Variants in DOC2B observed in about 807,000 individuals in gnomAD.
The protein encoded by DOC2B is double C2-like domain-containing protein beta.
In DOC2B, 21 loss-of-function variants were observed where a neutral mutation model predicts 28.9. The observed-to-expected ratio is 0.73, with a 90% CI of 0.52 to 1.05. DOC2B has a LOEUF of 1.05. DOC2B is among the 50% of genes least tolerant of loss of function. The pLI is 0.00. For missense variants in DOC2B, 384 were observed against 421.1 expected (o/e 0.91, Z 0.77); for synonymous variants, 194 against 178.1 (o/e 1.09, Z -0.71).
rs183779916 is a variant in DOC2B, at chr17:150,287, G to A, written c.924-1095C>T. Reference sequence around the variant, plus strand: ...GCTGAATGTGCTCTGGGGTCTCTGGGGTCTCACCCACGACCAACTCCCTGG... The same window carrying A: ...GCTGAATGTGCTCTGGGGTCTCTGGAGTCTCACCCACGACCAACTCCCTGG... On this transcript the variant is annotated intron_variant, in intron 6 of 8. Coordinates refer to ENST00000613549, the MANE Select transcript of DOC2B (RefSeq NM_003585.5). Among the ~76,000 whole-genome samples, 409 of 152,248 alleles carry A rather than the reference G, an allele frequency of 2.7e-3. 5 individuals carry two copies. Among genetic ancestry groups the A allele is most frequent in the Admixed American group, 0.025 (378 of 15,292 alleles).
In DOC2B at chr17:156,288, T is replaced by A; in HGVS notation, c.855A>T (p.Val285=). The A allele has an allele frequency of 6.4e-7, 1 of 1,551,706 alleles. No homozygotes were observed. Among genetic ancestry groups the A allele is most frequent in the Non-Finnish European group, 8.7e-7 (1 of 1,147,020 alleles). The change falls in exon 6 of 9, where the codon GTA becomes GTT. Residue 285 remains valine (V), a synonymous_variant. Coordinates refer to ENST00000613549, the MANE Select transcript of DOC2B (RefSeq NM_003585.5). The part of the protein sequence containing the change: ...KYSSQKQGLL[V]GIVRCAHLAA... ...CCAGGTGGGCGCACCGCACGATGCC[T>A]ACCAGCAGGCCTTGCTTCTGTGAGC...
chr17:162,261 GC>G, intron 3 of DOC2B, 71 bp from the exon 4 acceptor site: 2 of 1,123,936 alleles, frequency 1.8e-6, no homozygotes, highest in South Asian at 1.3e-5. Context: ...CCCAGAGATG[GC>G]CACGTGCTCA....
chr17:147,955 T>G (rs905306911), intron 8 of DOC2B, among the ~76,000 whole-genome samples: 3 of 152,156 alleles, frequency 2.0e-5, no homozygotes, highest in Non-Finnish European at 4.4e-5. Flanking sequence ...TTGTCTGTGC[T>G]CCACCACAGA....
chr17:181,293 C>T lies in DOC2B; in HGVS notation c.187G>A (p.Ala63Thr), dbSNP rs2040439962. Residue 63 changes from alanine to threonine, a missense_variant, in exon 1 of 9, where the codon GCT (alanine) becomes ACT (threonine). Transcript: ENST00000613549. The surrounding 1 kb of genome is among the most constrained non-coding windows in gnomAD (Gnocchi z 7.0). ...CTGCGGCGGCCGGCACCGGCCACAG[C>T]CGGGCGCGCGGGGGCGTCCGGGGGT... ...AAPPDAPARP[A>T]VAGAGRRSPS... 3 of 1,193,208 alleles carry T rather than the reference C, an allele frequency of 2.5e-6. No homozygotes were observed. The South Asian group carries it at 1.2e-4, about 50-fold the overall frequency. 73.9% of individuals were successfully genotyped at this position (1,193,208 alleles called of 1,614,324 possible).
chr17:174,397 A>T (rs1009391696), intron 1 of DOC2B, among the ~76,000 whole-genome samples: 4 of 152,218 alleles, frequency 2.6e-5, no homozygotes, highest in African/African-American at 9.6e-5. Flanking sequence ...GTAGATCATT[A>T]TAGAAGGAGC....
At chr17:180,384 G>C (rs2040426213) in intron 1 of DOC2B, among the ~76,000 whole-genome samples, 2 of 152,250 alleles carry the variant, frequency 1.3e-5, no homozygotes, top group East Asian at 3.9e-4. Flanking sequence ...GGCTCAGTCC[G>C]GGAGGAGGGG....
intron 1 of DOC2B, among the ~76,000 whole-genome samples, chr17:176,346 C>T (rs1460245052): frequency 6.8e-6 from 1 of 147,298 alleles, no homozygotes; most frequent in Admixed American, 6.8e-5. Flanking sequence ...CCATGCCCGG[C>T]TAACTTAAAA....
intron 5 of DOC2B, among the ~76,000 whole-genome samples, chr17:160,096 T>G (rs991723117): frequency 6.6e-6 from 1 of 151,328 alleles, no homozygotes; most frequent in African/African-American, 2.4e-5. Context: ...GCGATTCTCC[T>G]GCCTCAGCCT....
rs1227511429 is a variant in DOC2B, at chr17:181,506, G to GCGGCC, written c.-32_-28dup. The GCGGCC allele has an allele frequency of 6.0e-6, 6 of 1,001,958 alleles. No individual in the cohort carries two copies. Among genetic ancestry groups the GCGGCC allele is most frequent in the Non-Finnish European group, 5.9e-6 (5 of 842,948 alleles). 62.1% of individuals were successfully genotyped at this position (1,001,958 alleles called of 1,614,324 possible). A position where few individuals can be genotyped will look rare whatever the true frequency, so the allele number is the denominator to read the frequency against. On this transcript the variant is annotated 5_prime_UTR_variant, in exon 1 of 9. Transcript: ENST00000613549. The surrounding 1 kb of genome is among the most constrained non-coding windows in gnomAD (Gnocchi z 7.0). ...CAGGCAGCGCCGCCCCGCCCCGGGC[G>GCGGCC]CGGCCCGGCCCGGCGCGACCCCGGC...
intron 5 of DOC2B, among the ~76,000 whole-genome samples, chr17:161,175 C>T (rs947588251): frequency 6.6e-6 from 1 of 152,138 alleles, no homozygotes; most frequent in Non-Finnish European, 1.5e-5. Context: ...CCCAGGCCAG[C>T]GAGCCTGGTA....
intron 7 of DOC2B, among the ~76,000 whole-genome samples, chr17:148,587 C>T (rs923553689): frequency 6.6e-6 from 1 of 152,068 alleles, no homozygotes; most frequent in African/African-American, 2.4e-5. Flanking sequence ...GCTTTGCTGA[C>T]CCCTCCCTTC....
At chr17:176,512 A>G (rs967227466) in intron 1 of DOC2B, among the ~76,000 whole-genome samples, 1 of 152,030 alleles carries the variant, frequency 6.6e-6, no homozygotes, top group Non-Finnish European at 1.5e-5. Context: ...CACACGGGCC[A>G]CTCTGCCCTG....
At chr17:149,338 T>A (rs1006176290) in intron 6 of DOC2B, 146 bp from the exon 7 acceptor site, 1 of 397,142 alleles carries the variant, frequency 2.5e-6, no homozygotes, top group Non-Finnish European at 4.4e-6. Context: ...TTCCCAACGC[T>A]ATTTTGTGGC....
At chr17:173,283 G>T (rs1439595067) in intron 1 of DOC2B, among the ~76,000 whole-genome samples, 1 of 152,190 alleles carries the variant, frequency 6.6e-6, no homozygotes, top group Non-Finnish European at 1.5e-5. Flanking sequence ...CCTCCCCGGG[G>T]GCAATCACTC....
chr17:177,087 A>G (rs991317859), intron 1 of DOC2B, among the ~76,000 whole-genome samples: 2 of 149,936 alleles, frequency 1.3e-5, no homozygotes, highest in African/African-American at 4.9e-5. Context: ...TAAAAAAAAC[A>G]AAACAATTGT....
intron 1 of DOC2B, among the ~76,000 whole-genome samples, chr17:175,252 A>G (rs2040356438): frequency 6.6e-6 from 1 of 152,126 alleles, no homozygotes; most frequent in Non-Finnish European, 1.5e-5. Context: ...ATAAATAAAT[A>G]CTAGGTCTTG....
In DOC2B at chr17:159,148, TC is replaced by T. The variant is rs763773266; in HGVS notation, c.765+2266del. On this transcript the variant is annotated intron_variant, in intron 5 of 8. Coordinates refer to ENST00000613549, the MANE Select transcript of DOC2B (RefSeq NM_003585.5). Reference sequence around the variant, plus strand: ...TCATATGAAGACCACTGGGTCTTGCTCAGTATTGACTTAAAACAGATAATGT... The same window carrying T: ...TCATATGAAGACCACTGGGTCTTGCTAGTATTGACTTAAAACAGATAATGT... Among the ~76,000 whole-genome samples, 476 of 152,058 alleles carry T rather than the reference TC, an allele frequency of 3.1e-3. 2 individuals carry two copies. The highest frequency in any genetic ancestry group is 0.011 in the African/African-American group (446 of 41,476).
rs1236406167 is a variant in DOC2B at position 144,399 on chromosome 17, A to G, written c.*3042T>C. The stretch of plus-strand genomic sequence containing the variant: ...TCAGCCTCCCTGAGTAGCTGGGACT[A>G]CAGGCGTGCGCCACCACACCCGGCT... On this transcript the variant is annotated 3_prime_UTR_variant, in exon 9 of 9. Coordinates refer to ENST00000613549, the MANE Select transcript of DOC2B (RefSeq NM_003585.5). The G allele has an allele frequency of 1.3e-5, 2 of 152,166 alleles. No homozygotes were observed. The highest frequency in any genetic ancestry group is 6.5e-5 in the Admixed American group (1 of 15,274). The allele number at this position is 152,166 out of a possible 1,614,324, so 9.4% of individuals were successfully genotyped here. A position where few individuals can be genotyped will look rare whatever the true frequency, so the allele number is the denominator to read the frequency against.
intron 1 of DOC2B, among the ~76,000 whole-genome samples, chr17:177,814 A>G (rs1427332969): frequency 6.6e-6 from 1 of 152,274 alleles, no homozygotes; most frequent in Admixed American, 6.5e-5. Context: ...AAGGGGCACC[A>G]CAGCCCATGG....
Sources: allele counts gnomAD v4.1 joint callset (sites outside exome capture counted in the v4.1 genomes callset), GRCh38; gene constraint gnomAD v4.1.1; non-coding constraint Gnocchi (gnomAD v3.1); transcripts MANE v1.5; gene names NCBI Gene and HGNC (gene_info 2026-07-23, HGNC 2026-07-21).